ACOT11: variants seen among roughly 807,000 people sequenced by gnomAD.
ACOT11 encodes the protein acyl-coenzyme A thioesterase 11.
In ACOT11, 69 loss-of-function variants were observed where a neutral mutation model predicts 77.5. The ratio of observed to expected loss-of-function variants is 0.89; its 90% CI spans 0.73 to 1.09. The LOEUF is 1.09. ACOT11 is among the 50% of genes least tolerant of loss of function. The pLI is 0.00. For synonymous variants in ACOT11, 279 were observed against 313.0 expected (o/e 0.89, Z 1.15); for missense variants, 766 against 813.7 (o/e 0.94, Z 0.71).
At chr1:54,572,993 G>T in intron 1 of ACOT11, 1 of 985,462 alleles carries the variant, frequency 1.0e-6, no homozygotes, top group Non-Finnish European at 1.2e-6. Context: ...CAGTGGCCCA[G>T]TGGGACAGTG....
chr1:54,597,308 T>G lies in ACOT11; in HGVS notation c.657T>G (p.Arg219=), dbSNP rs1249178281. The change falls in exon 7 of 16, where the codon CGT becomes CGG. Residue 219 remains arginine, a synonymous_variant. Coordinates refer to ENST00000343744, the MANE Select transcript of ACOT11 (RefSeq NM_147161.4). Reference sequence around the variant, plus strand: ...GCATGGTGCCGGCTGAGAAGACCCGTGTGGAGAGTGTGGAGCTGGTCCTGC... The same window carrying G: ...GCATGGTGCCGGCTGAGAAGACCCGGGTGGAGAGTGTGGAGCTGGTCCTGC... The part of the protein sequence containing the change: ...CSRMVPAEKT[R]VESVELVLPP... 6.2e-7 allele frequency: 1 copy of G among 1,613,716 alleles called. No individual in the cohort carries two copies. Among genetic ancestry groups the G allele is most frequent in the Non-Finnish European group, 8.5e-7 (1 of 1,180,024 alleles).
At chr1:54,608,870 C>G in intron 15 of ACOT11, 87 bp from the exon 16 acceptor site, 2 of 1,350,050 alleles carry the variant, frequency 1.5e-6, no homozygotes, top group Admixed American at 3.6e-5. Context: ...GCTGACTCAC[C>G]ACCAGCCTCG....
rs183945677 is a variant in ACOT11 at position 54,551,675 on chromosome 1, T to G, written c.33+3333T>G. ...TCTCAGTGGGGCTCAGAAGCTTTTT[T>G]TACTCCAGAAATGGTGATGGGGCTG... On this transcript the variant is annotated intron_variant, in intron 1 of 15. Transcript: ENST00000343744. Among the ~76,000 whole-genome samples, 15 of 152,326 alleles carry G rather than the reference T, an allele frequency of 9.8e-5. No individual in the cohort carries two copies. In the East Asian group the frequency reaches 2.9e-3, roughly 29 times the overall value.
chr1:54,582,777 G>A (rs1184379022), intron 1 of ACOT11, among the ~76,000 whole-genome samples: 1 of 152,168 alleles, frequency 6.6e-6, no homozygotes, highest in Non-Finnish European at 1.5e-5. Context: ...GCGTCCCTGT[G>A]TGTGTGTCCA....
intron 6 of ACOT11, among the ~76,000 whole-genome samples, chr1:54,596,844 A>G (rs1569740938): frequency 6.6e-6 from 1 of 152,286 alleles, no homozygotes; most frequent in Non-Finnish European, 1.5e-5. Flanking sequence ...CAAAGTGCTG[A>G]GATTACAGGC....
chr1:54,615,094 GGGGAGGAAACAGAGGCCAGGTAA>G (rs1644159185), downstream of ACOT11, among the ~76,000 whole-genome samples: 1 of 152,110 alleles, frequency 6.6e-6, no homozygotes, highest in African/African-American at 2.4e-5. Context: ...CATCTCCTGC[GGGGAGGAAACAGAGGCCAGGTAA>G]GGACTTGGGC....
At chr1:54,604,620 ATTC>A (rs1644003272) in intron 12 of ACOT11, among the ~76,000 whole-genome samples, 191 bp downstream of exon 12, 1 of 152,046 alleles carries the variant, frequency 6.6e-6, no homozygotes, top group Non-Finnish European at 1.5e-5. Context: ...GAACCCCTAG[ATTC>A]TTCTCTCCTG....
chr1:54,573,471 G>A (rs559955932), intron 1 of ACOT11, among the ~76,000 whole-genome samples: 1 of 152,338 alleles, frequency 6.6e-6, no homozygotes, highest in African/African-American at 2.4e-5. Context: ...AGTGGCTCAC[G>A]CCTGTAATCC....
At chr1:54,579,784 G>A (rs1224601928) in intron 1 of ACOT11, among the ~76,000 whole-genome samples, 1 of 152,160 alleles carries the variant, frequency 6.6e-6, no homozygotes, top group African/African-American at 2.4e-5. Context: ...TTGCACCCTG[G>A]GTTTGAAGCC....
chr1:54,597,735 C>T (rs1053477062), intron 7 of ACOT11: 2 of 334,794 alleles, frequency 6.0e-6, no homozygotes, highest in Non-Finnish European at 1.1e-5. Flanking sequence ...CGCTTCACAT[C>T]AAACCATTTG....
intron 15 of ACOT11, among the ~76,000 whole-genome samples, chr1:54,617,031 ATC>A (rs1427184426): frequency 6.6e-6 from 1 of 152,166 alleles, no homozygotes. Context: ...AGCCCATGTT[ATC>A]AAACTGCTTT....
intron 1 of ACOT11, among the ~76,000 whole-genome samples, chr1:54,549,143 G>C (rs1030141336): frequency 6.6e-6 from 1 of 152,016 alleles, no homozygotes; most frequent in Non-Finnish European, 1.5e-5. Context: ...CATCCTCACC[G>C]GGCCCTGTGC....
At chr1:54,580,944 C>T (rs1178448593) in intron 1 of ACOT11, among the ~76,000 whole-genome samples, 3 of 152,126 alleles carry the variant, frequency 2.0e-5, no homozygotes, top group Non-Finnish European at 2.9e-5. Context: ...TCTAAGGAAA[C>T]GTATATGGTC....
rs1186960618 is a variant in ACOT11 at position 54,607,966 on chromosome 1, G to A, written c.1527G>A (p.Arg509=). Residue 509 remains arginine, a synonymous_variant, in exon 15 of 16, where the codon AGG becomes AGA. Transcript: ENST00000343744. This position sits in a 1 kb window ranked among gnomAD's most constrained non-coding sequence, Gnocchi z 4.5. ...DNGDPYVIAL[R]SVTLPTHRET... ...GGGACCCCTATGTCATCGCGCTGAGGTCGGTCACGCTGCCCACACACCGAG... is the reference window on the plus strand; with the variant it reads ...GGGACCCCTATGTCATCGCGCTGAGATCGGTCACGCTGCCCACACACCGAG... The A allele has an allele frequency of 6.2e-7, 1 of 1,613,812 alleles. No individual in the cohort carries two copies. Among genetic ancestry groups the A allele is most frequent in the Non-Finnish European group, 8.5e-7 (1 of 1,179,946 alleles).
intron 1 of ACOT11, among the ~76,000 whole-genome samples, chr1:54,571,724 T>C (rs1653935231): frequency 6.6e-6 from 1 of 152,000 alleles, no homozygotes; most frequent in African/African-American, 2.4e-5. Flanking sequence ...AAAATGAAAA[T>C]GTTGTTATGT....
intron 6 of ACOT11, among the ~76,000 whole-genome samples, chr1:54,596,091 T>A (rs1359010403): frequency 6.6e-6 from 1 of 152,218 alleles, no homozygotes; most frequent in Non-Finnish European, 1.5e-5. Flanking sequence ...CACCTAAGAA[T>A]CAGCTCAAGT....
downstream of ACOT11, chr1:54,612,360 A>T (rs917325339): frequency 2.3e-5 from 15 of 660,436 alleles, no homozygotes; most frequent in Admixed American, 2.5e-5. Context: ...GACTCTGCAG[A>T]GGGCATGAGC....
chr1:54,580,897 T>G, intron 1 of ACOT11, among the ~76,000 whole-genome samples: 1 of 152,134 alleles, frequency 6.6e-6, no homozygotes, highest in Non-Finnish European at 1.5e-5. Flanking sequence ...AGTGGCACCT[T>G]CATGTTGGGG....
At position 54,602,679 on chromosome 1, in the gene ACOT11, G is replaced by T. The variant is rs776981689; in HGVS notation, c.1040G>T (p.Arg347Leu). ...CGACTTCCTCCCCAGGATGGTGAGC[G>T]GCGGTACCGAGAGGCCAGTGCCAGA... Reference protein sequence around the residue: ...WIRPQPGDGERRYREASARKK... With the variant: ...WIRPQPGDGELRYREASARKK... Residue 347 changes from arginine (R) to leucine (L), a missense_variant, in exon 10 of 16, where the codon CGG becomes CTG. Arg to Leu is a moderately radical substitution (Grantham distance 102). Transcript: ENST00000343744. The T allele has an allele frequency of 6.4e-7, 1 of 1,552,808 alleles. No individual in the cohort carries two copies. Among genetic ancestry groups the T allele is most frequent in the Admixed American group, 2.0e-5 (1 of 49,478 alleles).
Sources: allele counts gnomAD v4.1 joint callset (sites outside exome capture counted in the v4.1 genomes callset), GRCh38; gene constraint gnomAD v4.1.1; non-coding constraint Gnocchi (gnomAD v3.1); transcripts MANE v1.5; gene names NCBI Gene and HGNC (gene_info 2026-07-23, HGNC 2026-07-21).